The following CEP290 variants were observed in gnomAD, a reference collection of about 807,000 sequenced individuals.
CEP290 encodes the protein centrosomal protein of 290 kDa.
CEP290 carries 317 observed loss-of-function variants against 344.9 expected under a neutral mutation model. That is an observed-to-expected ratio of 0.92 (90% CI 0.84 to 1.01). The LOEUF (loss-of-function observed/expected upper bound fraction) is 1.01, where lower values mean the gene tolerates loss of function less well. Among genes scored for constraint, CEP290 ranks in the 50% least tolerant of loss-of-function variants. The probability of loss-of-function intolerance (pLI) is 0.00; values close to 1 mark genes in which losing one functional copy is unlikely to be tolerated. For synonymous variants in CEP290, 932 were observed against 895.8 expected (o/e 1.04, Z -0.72); for missense variants, 2,754 against 2,761.4 (o/e 1.00, Z 0.06).
At chr12:88,129,611 A>C in intron 10 of CEP290, 83 bp downstream of exon 10, 1 of 787,948 alleles carries the variant, frequency 1.3e-6, no homozygotes, top group Non-Finnish European at 1.9e-6. Flanking sequence ...ACATCCTAGA[A>C]AAAGTACTTT....
intron 41 of CEP290, among the ~76,000 whole-genome samples, chr12:88,075,193 C>T (rs543551368): frequency 6.6e-6 from 1 of 152,138 alleles, no homozygotes; most frequent in African/African-American, 2.4e-5. Flanking sequence ...GGAGAAATCC[C>T]CACATATTCT....
intron 6 of CEP290, 60 bp downstream of exon 6, chr12:88,136,583 A>T (rs767560364): frequency 2.0e-6 from 3 of 1,502,922 alleles, no homozygotes; most frequent in African/African-American, 2.8e-5. Context: ...TGTTACCAAT[A>T]ATAATAAAAA....
chr12:88,093,769 C>T lies in CEP290; in HGVS notation c.3309+1G>A. 1 of 1,595,802 alleles carries T rather than the reference C, an allele frequency of 6.3e-7. No homozygotes were observed. The highest frequency in any genetic ancestry group is 8.6e-7 in the Non-Finnish European group (1 of 1,168,758). ...GTATGATAAAACTTATAATATCAAACCTCAGCAAATTTGGTTTCCAATTCA... is the reference window on the plus strand; with the variant it reads ...GTATGATAAAACTTATAATATCAAATCTCAGCAAATTTGGTTTCCAATTCA... On this transcript the variant is annotated splice_donor_variant, in intron 28 of 53. Coordinates refer to ENST00000552810, the MANE Select transcript of CEP290 (RefSeq NM_025114.4). LOFTEE classifies it high-confidence loss of function.
chr12:88,102,075 T>C (rs2037932133), intron 26 of CEP290, among the ~76,000 whole-genome samples: 1 of 152,178 alleles, frequency 6.6e-6, no homozygotes, highest in Non-Finnish European at 1.5e-5. Flanking sequence ...GAAAGGATCT[T>C]AGATAAGAAT....
At position 88,086,309 on chromosome 12, in the gene CEP290, T is replaced by C. The variant is rs952299961; in HGVS notation, c.4302+82A>G. On this transcript the variant is annotated intron_variant, in intron 33 of 53. Coordinates refer to ENST00000552810, the MANE Select transcript of CEP290 (RefSeq NM_025114.4). The stretch of plus-strand genomic sequence containing the variant: ...TATACAATATAACATCAATTAAAAT[T>C]ACATCTGATACAGGAAATATTTCTG... The C allele has an allele frequency of 3.2e-5, 46 of 1,423,044 alleles. No individual in the cohort carries two copies. The Admixed American group carries it at 4.3e-4, about 13-fold the overall frequency. The allele number at this position is 1,423,044 out of a possible 1,614,324, so 88.2% of individuals were successfully genotyped here. A position where few individuals can be genotyped will look rare whatever the true frequency, so the allele number is the denominator to read the frequency against.
chr12:88,084,203 C>T (rs2036404015), intron 35 of CEP290, among the ~76,000 whole-genome samples: 1 of 152,106 alleles, frequency 6.6e-6, no homozygotes, highest in East Asian at 1.9e-4. Context: ...CATCTTTTAA[C>T]TTACTTCTAG....
chr12:88,115,446 T>A (rs2038981722), intron 18 of CEP290: 1 of 1,265,784 alleles, frequency 7.9e-7, no homozygotes, highest in Non-Finnish European at 1.0e-6. Context: ...AGTACCACAA[T>A]CATCTCTTTT....
chr12:88,080,129 G>T, intron 38 of CEP290, 53 bp downstream of exon 38: 1 of 1,162,140 alleles, frequency 8.6e-7, no homozygotes, highest in South Asian at 1.5e-5. Context: ...TTCTCTAAAA[G>T]CAATCTACCA....
chr12:88,071,633 G>C, intron 42 of CEP290, 148 bp downstream of exon 42: 1 of 849,650 alleles, frequency 1.2e-6, no homozygotes, highest in Non-Finnish European at 1.7e-6. Flanking sequence ...AGATTTTAAA[G>C]AAAATAAAAA....
intron 20 of CEP290, among the ~76,000 whole-genome samples, chr12:88,113,081 G>C (rs917989493): frequency 1.3e-5 from 2 of 152,080 alleles, no homozygotes; most frequent in African/African-American, 2.4e-5. Flanking sequence ...ATTTCAGATA[G>C]GGCCTATGAA....
intron 6 of CEP290, chr12:88,135,983 C>A (rs2040333876): frequency 6.6e-6 from 1 of 152,016 alleles, no homozygotes. Flanking sequence ...CCAGGAAATA[C>A]AAGTTGATCT....
In CEP290 at chr12:88,116,757, G is replaced by A. The variant is rs528828464; in HGVS notation, c.1824+276C>T. On this transcript the variant is annotated intron_variant, in intron 18 of 53. Transcript: ENST00000552810. ...TGGGAGGCCGAGGCGGGCGGATCAC[G>A]AGGTCAGAAGATCGAGACCATCCCG... Among the ~76,000 whole-genome samples, 411 of 151,904 alleles carry A rather than the reference G, an allele frequency of 2.7e-3. 1 individual carries two copies. The highest frequency in any genetic ancestry group is 9.4e-3 in the African/African-American group (388 of 41,452).
intron 10 of CEP290, 127 bp from the exon 11 acceptor site, chr12:88,129,162 A>AT (rs2039916133): frequency 6.7e-6 from 3 of 448,870 alleles, no homozygotes; most frequent in Non-Finnish European, 1.1e-5. Context: ...ATTCATACTT[A>AT]TATACACATA....
intron 20 of CEP290, among the ~76,000 whole-genome samples, chr12:88,113,745 A>G (rs369674896): frequency 1.2e-4 from 19 of 152,032 alleles, no homozygotes; most frequent in African/African-American, 4.6e-4. Context: ...TGGTAAATAT[A>G]TATAGAATAT....
intron 52 of CEP290, among the ~76,000 whole-genome samples, chr12:88,052,873 C>G (rs2033672925): frequency 6.6e-6 from 1 of 152,098 alleles, no homozygotes; most frequent in South Asian, 2.1e-4. Context: ...TTGCACTATG[C>G]TGTGCTGCCC....
At position 88,050,389 on chromosome 12, in the gene CEP290, G is replaced by A. The variant is rs1344978851; in HGVS notation, c.7174C>T (p.Leu2392Phe). ...TGCTTTTCTAGATCTGACATTTTGA[G>A]CTGTGTCTCTAGATCTTTTATTTTT... ...KEKIKDLETQ[L>F]KMSDLEKQHL... is the part of the protein sequence containing the mutation. The change falls in exon 53 of 54, where the codon CTC becomes TTC. Residue 2392 changes from leucine (L) to phenylalanine (F), a missense_variant. Physicochemically the swap from Leu to Phe is conservative, Grantham distance 22. Transcript: ENST00000552810. The A allele has an allele frequency of 2.6e-6, 4 of 1,561,892 alleles. No individual in the cohort carries two copies. The highest frequency in any genetic ancestry group is 3.5e-6 in the Non-Finnish European group (4 of 1,142,314).
chr12:88,107,341 A>T (rs1183064286), intron 23 of CEP290, among the ~76,000 whole-genome samples: 1 of 152,102 alleles, frequency 6.6e-6, no homozygotes, highest in Non-Finnish European at 1.5e-5. Context: ...TCCCTGATTC[A>T]CCACTAAATG....
At chr12:88,070,620 G>A (rs994799420) in intron 43 of CEP290, among the ~76,000 whole-genome samples, 1 of 152,074 alleles carries the variant, frequency 6.6e-6, no homozygotes, top group Non-Finnish European at 1.5e-5. Context: ...GATACTAAGA[G>A]GGTAAGGTAA....
chr12:88,057,420 A>T (rs991287723), intron 49 of CEP290, among the ~76,000 whole-genome samples: 1 of 152,210 alleles, frequency 6.6e-6, no homozygotes, highest in Non-Finnish European at 1.5e-5. Flanking sequence ...CTGAGTCCAC[A>T]TGTGATTATA....
Sources: allele counts gnomAD v4.1 joint callset (sites outside exome capture counted in the v4.1 genomes callset), GRCh38; gene constraint gnomAD v4.1.1; transcripts MANE v1.5; gene names NCBI Gene and HGNC (gene_info 2026-07-23, HGNC 2026-07-21).